The following RANBP10 variants were observed in gnomAD, a reference collection of about 807,000 sequenced individuals.
RANBP10 encodes the protein RAN binding protein 10.
In RANBP10, 24 loss-of-function variants were observed where a neutral mutation model predicts 72.8. That is an observed-to-expected ratio of 0.33 (90% CI 0.24 to 0.46). RANBP10 has a LOEUF of 0.46. RANBP10 is among the 20% of genes least tolerant of loss of function. RANBP10 has a pLI of 1.00. For synonymous variants in RANBP10, 310 were observed against 322.3 expected (o/e 0.96, Z 0.41); for missense variants, 679 against 817.5 (o/e 0.83, Z 2.07).
intron 2 of RANBP10, among the ~76,000 whole-genome samples, chr16:67,790,696 A>G (rs2055007637): frequency 1.3e-5 from 2 of 151,350 alleles, no homozygotes; most frequent in African/African-American, 2.4e-5. Flanking sequence ...ACTTTTACCA[A>G]TTTTTTATTT....
intron 3 of RANBP10, among the ~76,000 whole-genome samples, chr16:67,758,960 C>A (rs2054342762): frequency 6.6e-6 from 1 of 152,240 alleles, no homozygotes; most frequent in African/African-American, 2.4e-5. Context: ...AAGGAACACG[C>A]ACTTGCTGGC....
intron 2 of RANBP10, 27 bp from the exon 3 acceptor site, chr16:67,772,113 C>T (rs758092222): frequency 1.4e-6 from 2 of 1,385,244 alleles, no homozygotes; most frequent in South Asian, 2.7e-5. Context: ...AAAAAAAACA[C>T]AAAATTTTTG....
intron 2 of RANBP10, among the ~76,000 whole-genome samples, chr16:67,798,948 C>G (rs1450952685): frequency 1.3e-5 from 2 of 152,176 alleles, no homozygotes; most frequent in African/African-American, 4.8e-5. Flanking sequence ...TTTTTTAAGA[C>G]AGAGTCTCAC....
intron 5 of RANBP10, among the ~76,000 whole-genome samples, chr16:67,737,414 G>A (rs2053874847): frequency 6.6e-6 from 1 of 151,862 alleles, no homozygotes; most frequent in Admixed American, 6.6e-5. Flanking sequence ...CTGTTAGCCA[G>A]GACGATCTTG....
rs112236814 is a variant in RANBP10, at chr16:67,785,072, C to T, written c.348-12986G>A. ...TAAAAATACAAAAAAAGTAGCCAGGCGTGGTGGCAGGTGCCTATAATCCTA... is the reference window on the plus strand; with the variant it reads ...TAAAAATACAAAAAAAGTAGCCAGGTGTGGTGGCAGGTGCCTATAATCCTA... On this transcript the variant is annotated intron_variant, in intron 2 of 13. Coordinates refer to ENST00000317506, the MANE Select transcript of RANBP10 (RefSeq NM_020850.3). 2.2e-3 allele frequency among the ~76,000 whole-genome samples: 334 copies of T among 151,750 alleles called. 1 individual carries two copies. Among genetic ancestry groups the T allele is most frequent in the African/African-American group, 7.6e-3 (313 of 41,370 alleles).
rs768574308 is a variant in RANBP10 at position 67,744,278 on chromosome 16, A to G, written c.568+10T>C. 1 of 1,613,074 alleles carries G rather than the reference A, an allele frequency of 6.2e-7. No individual in the cohort carries two copies. The highest frequency in any genetic ancestry group is 8.5e-7 in the Non-Finnish European group (1 of 1,179,302). On this transcript the variant is annotated intron_variant, in intron 4 of 13. Coordinates refer to ENST00000317506, the MANE Select transcript of RANBP10 (RefSeq NM_020850.3). The stretch of plus-strand genomic sequence containing the variant: ...CAGAGCAGAGCCTCCAAGGTCCCTT[A>G]TGCACACACCAAGGCTGTGGCCATT...
intron 5 of RANBP10, 108 bp downstream of exon 5, chr16:67,737,905 G>A: frequency 7.1e-7 from 1 of 1,403,874 alleles, no homozygotes; most frequent in Non-Finnish European, 9.9e-7. Context: ...CACATCCCTG[G>A]TTGGGGAAAG....
At chr16:67,797,460 G>T (rs1381353252) in intron 2 of RANBP10, among the ~76,000 whole-genome samples, 1 of 152,208 alleles carries the variant, frequency 6.6e-6, no homozygotes, top group East Asian at 1.9e-4. Context: ...ATTGAGCGTA[G>T]GAGTTCCAGA....
At chr16:67,727,647 G>T (rs1009848070) in intron 12 of RANBP10, 104 bp downstream of exon 12, 15 of 1,548,268 alleles carry the variant, frequency 9.7e-6, no homozygotes, top group Non-Finnish European at 1.1e-5. Context: ...TGCAGACCTG[G>T]CTGGAGCCCA....
chr16:67,744,249 T>C (rs747162742), intron 4 of RANBP10, 39 bp downstream of exon 4: 12 of 1,588,066 alleles, frequency 7.6e-6, no homozygotes, highest in Non-Finnish European at 6.9e-6. Flanking sequence ...CCAAAGTGGC[T>C]CCACAGAGCA....
At chr16:67,731,387 A>G (rs1307878817) in intron 7 of RANBP10, 85 bp downstream of exon 7, 3 of 1,176,344 alleles carry the variant, frequency 2.6e-6, no homozygotes, top group Middle Eastern at 1.9e-4. Flanking sequence ...TGGACTCCTG[A>G]CAGGTTAACC....
chr16:67,794,063 G>A (rs886874305), intron 2 of RANBP10, among the ~76,000 whole-genome samples: 4 of 151,956 alleles, frequency 2.6e-5, no homozygotes, highest in Admixed American at 2.0e-4. Flanking sequence ...AAAATGTTTC[G>A]TAGAGGTGGG....
chr16:67,795,494 G>A (rs985627184), intron 2 of RANBP10, among the ~76,000 whole-genome samples: 3 of 152,040 alleles, frequency 2.0e-5, no homozygotes, highest in Admixed American at 6.6e-5. Flanking sequence ...AGCCAAGATC[G>A]TGCCATTGTA....
chr16:67,779,006 C>T (rs2054763754), intron 2 of RANBP10, among the ~76,000 whole-genome samples: 2 of 152,196 alleles, frequency 1.3e-5, no homozygotes, highest in African/African-American at 4.8e-5. Context: ...GATGGGAGCA[C>T]AGCTTGAGGC....
chr16:67,790,994 G>C (rs573988754), intron 2 of RANBP10, among the ~76,000 whole-genome samples: 1 of 148,384 alleles, frequency 6.7e-6, no homozygotes, highest in South Asian at 2.1e-4. Context: ...CACAGAGCCT[G>C]GCCAGTTTTA....
At chr16:67,781,594 G>A (rs1473784053) in intron 2 of RANBP10, among the ~76,000 whole-genome samples, 3 of 152,178 alleles carry the variant, frequency 2.0e-5, no homozygotes, top group Non-Finnish European at 4.4e-5. Context: ...CTATATGGCA[G>A]CAAAGTGGAG....
intron 3 of RANBP10, among the ~76,000 whole-genome samples, chr16:67,750,068 C>T (rs935306248): frequency 3.9e-5 from 6 of 152,350 alleles, no homozygotes; most frequent in Non-Finnish European, 5.9e-5. Context: ...ACCCATAACC[C>T]TGTGTGTTTG....
At chr16:67,748,873 C>CTA (rs2054142172) in intron 3 of RANBP10, among the ~76,000 whole-genome samples, 1 of 152,110 alleles carries the variant, frequency 6.6e-6, no homozygotes, top group South Asian at 2.1e-4. Flanking sequence ...TCCCCAGGCA[C>CTA]CCCTCCAGGT....
intron 3 of RANBP10, among the ~76,000 whole-genome samples, chr16:67,752,175 A>G (rs940100052): frequency 3.9e-5 from 6 of 152,222 alleles, no homozygotes; most frequent in African/African-American, 7.2e-5. Context: ...TAATCCCCAG[A>G]ACCTGTGACT....
Sources: allele counts gnomAD v4.1 joint callset (sites outside exome capture counted in the v4.1 genomes callset), GRCh38; gene constraint gnomAD v4.1.1; transcripts MANE v1.5; gene names NCBI Gene and HGNC (gene_info 2026-07-23, HGNC 2026-07-21).